OR1J2: variants seen among roughly 807,000 people sequenced by gnomAD.
OR1J2 encodes olfactory receptor family 1 subfamily J member 2.
For synonymous variants in OR1J2, 142 were observed against 99.7 expected, an observed-to-expected ratio of 1.42 and a Z score of -2.52; for missense variants, 304 against 246.1, an observed-to-expected ratio of 1.24 and a Z score of -1.57.
In OR1J2 at chr9:122,511,481, G is replaced by A. The variant is rs111871025; in HGVS notation, c.680G>A (p.Arg227Lys). The change falls in exon 1 of 1, where the codon AGG (arginine) becomes AAG (lysine). Residue 227 changes from arginine (R) to lysine (K), a missense_variant. Coordinates refer to ENST00000335302, the MANE Select transcript of OR1J2 (RefSeq NM_054107.1). ...GGCTACATTGGGGCCACCATCCTGA[G>A]GGTCCCTTCAACCAAAGGGATCCAC... is the stretch of plus-strand genomic sequence containing the variant. ...SYGYIGATILRVPSTKGIHKA... is the reference protein window; with the variant it reads ...SYGYIGATILKVPSTKGIHKA... 4.1e-4 allele frequency: 322 copies of A among 780,810 alleles called. 1 individual carries two copies. The African/African-American group carries it at 4.4e-3, about 11-fold the overall frequency. 48.4% of individuals were successfully genotyped at this position (780,810 alleles called of 1,614,324 possible).
chr9:122,534,893 G>C, the OR1J2 span, among the ~76,000 whole-genome samples: 1 of 152,176 alleles, frequency 6.6e-6, no homozygotes, highest in Non-Finnish European at 1.5e-5. Context: ...TTGTAGGATG[G>C]AAAAAGTGAA....
chr9:122,554,431 T>C, the OR1J2 span, among the ~76,000 whole-genome samples: 1 of 152,190 alleles, frequency 6.6e-6, no homozygotes, highest in African/African-American at 2.4e-5. Flanking sequence ...AACCAGCATA[T>C]TAGCCATAGT....
At chr9:122,535,562 T>C in the OR1J2 span, among the ~76,000 whole-genome samples, 686 of 151,922 alleles carry the variant, frequency 4.5e-3, 6 homozygotes, top group African/African-American at 0.016. Flanking sequence ...TAAGGGATAG[T>C]GAGTGAGGTT....
the OR1J2 span, chr9:122,553,700 A>G: frequency 1.2e-6 from 2 of 1,613,982 alleles, no homozygotes; most frequent in African/African-American, 1.3e-5. Flanking sequence ...TGATGCACAC[A>G]CTGTTGCTGA....
the OR1J2 span, chr9:122,568,489 C>T: frequency 2.0e-6 from 3 of 1,486,838 alleles, no homozygotes; most frequent in Non-Finnish European, 1.8e-6. Flanking sequence ...GACTTGGGCT[C>T]AGTTATAAAC....
At chr9:122,488,118 T>C in the OR1J2 span, among the ~76,000 whole-genome samples, 1 of 152,088 alleles carries the variant, frequency 6.6e-6, no homozygotes, top group Non-Finnish European at 1.5e-5. Context: ...ATAATTCTTT[T>C]GGGTTTTTTG....
chr9:122,528,256 TTGGTCTG>T, the OR1J2 span, among the ~76,000 whole-genome samples: 1 of 152,226 alleles, frequency 6.6e-6, no homozygotes, highest in Non-Finnish European at 1.5e-5. Flanking sequence ...GTCTCAAGCA[TTGGTCTG>T]TAGACCAGTT....
the OR1J2 span, among the ~76,000 whole-genome samples, chr9:122,495,369 T>C: frequency 8.0e-4 from 121 of 152,164 alleles, no homozygotes; most frequent in Admixed American, 3.1e-3. Flanking sequence ...TCTTAGAGGC[T>C]TTGTTCATTT....
the OR1J2 span, among the ~76,000 whole-genome samples, chr9:122,540,269 A>G: frequency 6.6e-6 from 1 of 152,040 alleles, no homozygotes; most frequent in Non-Finnish European, 1.5e-5. Flanking sequence ...TAAGTCTTTA[A>G]TCCTTCTTGA....
rs763414142 is a variant in OR1J2 at position 122,511,627 on chromosome 9, C to G, written c.826C>G (p.Leu276Val). ...SSIDKDVIVA[L>V]MYTVVTPMLN... ...TATTGACAAGGATGTCATTGTGGCT[C>G]TCATGTACACGGTGGTCACACCCAT... Residue 276 changes from leucine (L) to valine (V), a missense_variant, in exon 1 of 1, where the codon CTC becomes GTC. Transcript: ENST00000335302. 7.7e-6 allele frequency: 6 copies of G among 781,036 alleles called. No homozygotes were observed. The highest frequency in any genetic ancestry group is 1.7e-5 in the Admixed American group (1 of 59,034). The allele number at this position is 781,036 out of a possible 1,614,324, so 48.4% of individuals were successfully genotyped here.
chr9:122,565,915 C>A, the OR1J2 span, among the ~76,000 whole-genome samples: 2 of 152,146 alleles, frequency 1.3e-5, no homozygotes, highest in African/African-American at 4.8e-5. Context: ...TAAACTCAGG[C>A]TTGGAGTAAA....
chr9:122,471,862 G>A, the OR1J2 span, among the ~76,000 whole-genome samples: 1 of 152,138 alleles, frequency 6.6e-6, no homozygotes, highest in African/African-American at 2.4e-5. Context: ...TGATTCACTG[G>A]TAAAGATATA....
chr9:122,457,138 A>G, the OR1J2 span, among the ~76,000 whole-genome samples: 9 of 152,188 alleles, frequency 5.9e-5, no homozygotes, highest in African/African-American at 2.2e-4. Context: ...CAAATACCGC[A>G]TGTTCTTACT....
the OR1J2 span, among the ~76,000 whole-genome samples, chr9:122,538,333 C>A: frequency 2.6e-5 from 4 of 152,104 alleles, no homozygotes; most frequent in Non-Finnish European, 4.4e-5. Context: ...TTATAGAAGT[C>A]TTTCACTTCC....
chr9:122,539,875 G>C, the OR1J2 span, among the ~76,000 whole-genome samples: 2,459 of 152,208 alleles, frequency 0.016, 61 homozygotes, highest in African/African-American at 0.056. Flanking sequence ...GTGATGATGA[G>C]CATTTTTTCA....
the OR1J2 span, among the ~76,000 whole-genome samples, chr9:122,474,731 G>C: frequency 6.6e-6 from 1 of 152,142 alleles, no homozygotes; most frequent in African/African-American, 2.4e-5. Context: ...CAGCTTGCAG[G>C]TTTCACACAT....
At chr9:122,579,616 ATATT>A in the OR1J2 span, among the ~76,000 whole-genome samples, 1 of 152,120 alleles carries the variant, frequency 6.6e-6, no homozygotes, top group Non-Finnish European at 1.5e-5. Flanking sequence ...TTTTAATTAG[ATATT>A]AGTTGTGATG....
At chr9:122,475,344 G>A in the OR1J2 span, among the ~76,000 whole-genome samples, 1 of 152,112 alleles carries the variant, frequency 6.6e-6, no homozygotes, top group Non-Finnish European at 1.5e-5. Flanking sequence ...TTTCATCATT[G>A]TCTTTATCTC....
the OR1J2 span, among the ~76,000 whole-genome samples, chr9:122,472,645 G>C: frequency 6.6e-6 from 1 of 152,184 alleles, no homozygotes; most frequent in South Asian, 2.1e-4. Flanking sequence ...GTATAATCAA[G>C]GCTATGGATA....
Sources: allele counts gnomAD v4.1 joint callset (sites outside exome capture counted in the v4.1 genomes callset), GRCh38; gene constraint gnomAD v4.1.1; transcripts MANE v1.5; gene names NCBI Gene and HGNC (gene_info 2026-07-23, HGNC 2026-07-21).